The following PDCD1 variants were observed in gnomAD, a reference collection of about 807,000 sequenced individuals.
PDCD1 encodes programmed cell death 1.
PDCD1 carries 10 observed loss-of-function variants against 23.6 expected under a neutral mutation model. The ratio of observed to expected loss-of-function variants is 0.42; its 90% CI spans 0.26 to 0.72. The LOEUF is 0.72. Among genes scored for constraint, PDCD1 ranks in the 30% least tolerant of loss-of-function variants. PDCD1 has a pLI of 0.24. For synonymous variants in PDCD1, 168 were observed against 169.3 expected (o/e 0.99, Z 0.06); for missense variants, 313 against 397.8 (o/e 0.79, Z 1.81).
chr2:241,852,720 C>A lies in PDCD1; in HGVS notation c.337G>T (p.Ala113Ser). 1 of 1,613,862 alleles carries A rather than the reference C, an allele frequency of 6.2e-7. No homozygotes were observed. The change falls in exon 2 of 5, where the codon GCC (alanine) becomes TCC (serine). Residue 113 changes from alanine to serine, a missense_variant. Transcript: ENST00000334409. ...GRDFHMSVVR[A>S]RRNDSGTYLC... is the part of the protein sequence containing the mutation. The stretch of plus-strand genomic sequence containing the variant: ...TAGGTGCCGCTGTCATTGCGCCGGG[C>A]CCTGACCACGCTCATGTGGAAGTCA...
rs2124861915 is a variant in PDCD1 at position 241,853,000 on chromosome 2, G to A, written c.77-20C>T. 6.5e-7 allele frequency: 1 copy of A among 1,538,410 alleles called. No individual in the cohort carries two copies. The highest frequency in any genetic ancestry group is 1.2e-5 in the South Asian group (1 of 84,648). ...GGGAGTCTGAGAGATGGAGAGAGGT[G>A]AGGAAGGGGCTGGGTGGCCCCACAA... On this transcript the variant is annotated intron_variant, in intron 1 of 4. Coordinates refer to ENST00000334409, the MANE Select transcript of PDCD1 (RefSeq NM_005018.3).
In PDCD1 at chr2:241,852,601, C is replaced by T. The variant is rs370651091; in HGVS notation, c.436+20G>A. The stretch of plus-strand genomic sequence containing the variant: ...GGACCGGCTCAGCTCACCCCTGCCC[C>T]GGGGCCTCCGAGGCCGCACCTGTCA... On this transcript the variant is annotated intron_variant, in intron 2 of 4. Transcript: ENST00000334409. 2.6e-4 allele frequency: 415 copies of T among 1,604,310 alleles called. No individual in the cohort carries two copies. The highest frequency in any genetic ancestry group is 2.4e-3 in the African/African-American group (182 of 74,852).
Position 241,852,974 on chromosome 2 carries a change from G to A in PDCD1, c.83C>T (p.Pro28Leu), listed in dbSNP as rs56234260. 2,107 of 1,556,468 alleles carry A rather than the reference G, an allele frequency of 1.4e-3. 7 individuals carry two copies. Among genetic ancestry groups the A allele is most frequent in the South Asian group, 2.5e-3 (219 of 85,998 alleles). The change falls in exon 2 of 5, where the codon CCA becomes CTA. Residue 28 changes from proline (P) to leucine (L), a missense_variant. Pro to Leu is a moderately conservative substitution (Grantham distance 98, BLOSUM62 -3). Transcript: ENST00000334409. ...GWRPGWFLDS[P>L]DRPWNPPTFS... ...GGTGGGGGGGTTCCAGGGCCTGTCTGGGGAGTCTGAGAGATGGAGAGAGGT... is the reference window on the plus strand; with the variant it reads ...GGTGGGGGGGTTCCAGGGCCTGTCTAGGGAGTCTGAGAGATGGAGAGAGGT...
At chr2:241,858,426 G>T (rs1349538784) in intron 1 of PDCD1, among the ~76,000 whole-genome samples, 1 of 152,224 alleles carries the variant, frequency 6.6e-6, no homozygotes, top group African/African-American at 2.4e-5. Context: ...CCAAGGACCG[G>T]CTGAGAGGGG....
At chr2:241,857,809 G>T (rs957023892) in intron 1 of PDCD1, among the ~76,000 whole-genome samples, 1 of 152,182 alleles carries the variant, frequency 6.6e-6, no homozygotes, top group African/African-American at 2.4e-5. Context: ...CGGCCCCAGG[G>T]GTGCCCCTCA....
Position 241,850,705 on chromosome 2 carries a change from C to T in PDCD1, c.*353G>A. 8 of 563,272 alleles carry T rather than the reference C, an allele frequency of 1.4e-5. No homozygotes were observed. The highest frequency in any genetic ancestry group is 2.7e-5 in the Non-Finnish European group (8 of 300,352). The allele number at this position is 563,272 out of a possible 1,614,324, so 34.9% of individuals were successfully genotyped here. On this transcript the variant is annotated 3_prime_UTR_variant, in exon 5 of 5. Transcript: ENST00000334409. ...GGGGCGTCAGGCAGGGCCACGGCGC[C>T]TTCAGCCCCGGGCCGCAGGCAGCAG... is the stretch of plus-strand genomic sequence containing the variant.
chr2:241,858,637 C>G lies in PDCD1; in HGVS notation c.76+126G>C, dbSNP rs56211622. 46,030 of 792,328 alleles carry G rather than the reference C, an allele frequency of 0.058. 6,788 individuals are homozygous for G. The highest frequency in any genetic ancestry group is 0.5 in the East Asian group (18,572 of 37,176). 49.1% of individuals were successfully genotyped at this position (792,328 alleles called of 1,614,324 possible). On this transcript the variant is annotated intron_variant, in intron 1 of 4. Coordinates refer to ENST00000334409, the MANE Select transcript of PDCD1 (RefSeq NM_005018.3). Reference sequence around the variant, plus strand: ...GAGTGAAAGGTCCCTCCAGACCCCTCGCTCCGGGACCCCTGGGCTGCCAGG... The same window carrying G: ...GAGTGAAAGGTCCCTCCAGACCCCTGGCTCCGGGACCCCTGGGCTGCCAGG...
In PDCD1 at chr2:241,850,378, C is replaced by G. The variant is rs952156575; in HGVS notation, c.*680G>C. On this transcript the variant is annotated 3_prime_UTR_variant, in exon 5 of 5. Transcript: ENST00000334409. ...TGAAAGGCCTCCAGCTCTGCCTGCC[C>G]GCTTACTGCCTCAGCTTCCCTGCCC... is the stretch of plus-strand genomic sequence containing the variant. The G allele has an allele frequency of 8.4e-6, 2 of 237,750 alleles. No individual in the cohort carries two copies. Among genetic ancestry groups the G allele is most frequent in the African/African-American group, 2.2e-5 (1 of 45,458 alleles). 14.7% of individuals were successfully genotyped at this position (237,750 alleles called of 1,614,324 possible).
Position 241,850,551 on chromosome 2 carries a change from A to G in PDCD1, c.*507T>C. On this transcript the variant is annotated 3_prime_UTR_variant, in exon 5 of 5. Coordinates refer to ENST00000334409, the MANE Select transcript of PDCD1 (RefSeq NM_005018.3). Reference sequence around the variant, plus strand: ...TAACTCCTGGGGAGTCCCCAGCCCCATGTACCTCCCACTCCTGTGCCCAGT... The same window carrying G: ...TAACTCCTGGGGAGTCCCCAGCCCCGTGTACCTCCCACTCCTGTGCCCAGT... The G allele has an allele frequency of 5.3e-6, 2 of 374,088 alleles. No individual in the cohort carries two copies. Among genetic ancestry groups the G allele is most frequent in the South Asian group, 6.3e-5 (2 of 31,802 alleles). 23.2% of individuals were successfully genotyped at this position (374,088 alleles called of 1,614,324 possible).
Position 241,852,736 on chromosome 2 carries a change from G to A in PDCD1, c.321C>T (p.His107=), listed in dbSNP as rs1700929881. 2 of 1,614,016 alleles carry A rather than the reference G, an allele frequency of 1.2e-6. No homozygotes were observed. The highest frequency in any genetic ancestry group is 1.7e-6 in the Non-Finnish European group (2 of 1,180,000). ...VTQLPNGRDF[H]MSVVRARRND... ...TGCGCCGGGCCCTGACCACGCTCAT[G>A]TGGAAGTCACGCCCGTTGGGCAGTT... is the stretch of plus-strand genomic sequence containing the variant. The change falls in exon 2 of 5, where the codon CAC becomes CAT. Residue 107 remains histidine, a synonymous_variant. Transcript: ENST00000334409.
intron 1 of PDCD1, among the ~76,000 whole-genome samples, chr2:241,853,437 G>A (rs1422477753): frequency 1.3e-5 from 2 of 152,256 alleles, no homozygotes; most frequent in Non-Finnish European, 2.9e-5. Context: ...CCCCTTGGCA[G>A]GCTCAGGGTC....
chr2:241,855,583 C>T (rs1367414947), intron 1 of PDCD1, among the ~76,000 whole-genome samples: 7 of 152,148 alleles, frequency 4.6e-5, no homozygotes, highest in Non-Finnish European at 8.8e-5. Flanking sequence ...GAGCCCATCC[C>T]GGGGCTGTGG....
chr2:241,854,465 T>C (rs956996680), intron 1 of PDCD1, among the ~76,000 whole-genome samples: 3 of 152,102 alleles, frequency 2.0e-5, no homozygotes, highest in African/African-American at 7.2e-5. Context: ...GAGTGGATTT[T>C]GACCAAGGAG....
In PDCD1 at chr2:241,852,136, C is replaced by T. The variant is rs56227119; in HGVS notation, c.592+62G>A. On this transcript the variant is annotated intron_variant, in intron 3 of 4. Transcript: ENST00000334409. ...GAGGGAAGGGTGGAGGAAGGGGAGG[C>T]GGGAGTGAGGGCCGCCAGCAGGGTT... The T allele has an allele frequency of 5.1e-4, 785 of 1,545,040 alleles. 7 individuals carry two copies. In the East Asian group the frequency reaches 0.012, roughly 23 times the overall value.
chr2:241,858,771 C>G lies in PDCD1; in HGVS notation c.68G>C (p.Trp23Ser), dbSNP rs753651738. 12 of 1,591,290 alleles carry G rather than the reference C, an allele frequency of 7.5e-6. No homozygotes were observed. The highest frequency in any genetic ancestry group is 8.6e-6 in the Non-Finnish European group (10 of 1,169,488). The change falls in exon 1 of 5, where the codon TGG (tryptophan) becomes TCG (serine). Residue 23 changes from tryptophan (W) to serine (S), a missense_variant. This residue lies in a region of PDCD1 where 135 missense variants were observed against 166.9 expected (regional missense o/e 0.81). Transcript: ENST00000334409. ...AVLQLGWRPGWFLDSPDRPWN... is the reference protein window; with the variant it reads ...AVLQLGWRPGSFLDSPDRPWN... The stretch of plus-strand genomic sequence containing the variant: ...CCGCCGACCCCACCTACCTAAGAAC[C>G]ATCCTGGCCGCCAGCCCAGTTGTAG...
rs41438146 is a variant in PDCD1 at position 241,856,958 on chromosome 2, A to G, written c.76+1805T>C. Reference sequence around the variant, plus strand: ...ACACGGAGAAGTCAGTAAGGGGCCAAGTCCTGTCGAAGGCCCAGAGCTCAG... The same window carrying G: ...ACACGGAGAAGTCAGTAAGGGGCCAGGTCCTGTCGAAGGCCCAGAGCTCAG... On this transcript the variant is annotated intron_variant, in intron 1 of 4. Transcript: ENST00000334409. Among the ~76,000 whole-genome samples the G allele has an allele frequency of 6.7e-3, 1,018 of 152,386 alleles. 2 individuals carry two copies. The highest frequency in any genetic ancestry group is 0.011 in the Non-Finnish European group (748 of 68,042).
At chr2:241,858,559 C>T (rs1054313465) in intron 1 of PDCD1, among the ~76,000 whole-genome samples, 3 of 145,600 alleles carry the variant, frequency 2.1e-5, no homozygotes, top group Non-Finnish European at 3.0e-5. Context: ...AGGGGCAGAG[C>T]TGGGGGCCAA....
chr2:241,855,772 G>C (rs1030518727), intron 1 of PDCD1, among the ~76,000 whole-genome samples: 1 of 152,234 alleles, frequency 6.6e-6, no homozygotes, highest in African/African-American at 2.4e-5. Flanking sequence ...CGTCCCACGG[G>C]CTGTGCTGGG....
intron 4 of PDCD1, 141 bp downstream of exon 4, chr2:241,851,808 T>C: frequency 1.1e-6 from 1 of 880,826 alleles, no homozygotes; most frequent in South Asian, 1.4e-5. Flanking sequence ...TTGAGGTTGC[T>C]GCCTGGGGGC....
Sources: gnomAD v4.1 joint callset for allele counts (sites outside exome capture counted in the v4.1 genomes callset) on GRCh38, gnomAD v4.1.1 for gene constraint, gnomAD v4.1.1 regional missense constraint, MANE v1.5 for transcripts, NCBI Gene and HGNC (gene_info 2026-07-23, HGNC 2026-07-21) for gene names.